ACOT7: variants seen among roughly 807,000 people sequenced by gnomAD.
ACOT7 encodes acyl-CoA thioesterase 7.
Under a neutral mutation model 40.2 loss-of-function variants are expected in ACOT7, and 12 were observed. The ratio of observed to expected loss-of-function variants is 0.30; its 90% CI spans 0.19 to 0.48. The LOEUF (loss-of-function observed/expected upper bound fraction) is 0.48. ACOT7 is among the 20% of genes least tolerant of loss of function. The pLI is 0.99. For missense variants in ACOT7, 395 were observed against 530.8 expected, an observed-to-expected ratio of 0.74 and a Z score of 2.51; for synonymous variants, 228 against 219.5, an observed-to-expected ratio of 1.04 and a Z score of -0.34.
chr1:6,354,240 C>A (rs1641675521), intron 1 of ACOT7, among the ~76,000 whole-genome samples: 1 of 152,124 alleles, frequency 6.6e-6, no homozygotes, highest in African/African-American at 2.4e-5. Flanking sequence ...GGTCAAGGAG[C>A]CACTCCCAGA....
At chr1:6,346,976 C>A (rs55634870) in intron 2 of ACOT7, among the ~76,000 whole-genome samples, 3,113 of 152,218 alleles carry the variant, frequency 0.02, 109 homozygotes, top group African/African-American at 0.071. Flanking sequence ...GGGGCAAGGA[C>A]AGGAGTGTCG....
rs563026803 is a variant in ACOT7, at chr1:6,372,554, C to CTTTTTT, written c.143+20697_143+20702dup. Among the ~76,000 whole-genome samples, 450 of 128,548 alleles carry CTTTTTT rather than the reference C, an allele frequency of 3.5e-3. 14 individuals carry two copies. The highest frequency in any genetic ancestry group is 0.011 in the African/African-American group (376 of 33,430). 84.3% of individuals were successfully genotyped at this position (128,548 alleles called of 152,430 possible). ...AAGTTTAATCATGTCTAACTTTTGG[C>CTTTTTT]TTTTTTTTTTTTTTTTTTGAGAGTC... On this transcript the variant is annotated intron_variant, in intron 1 of 8. Coordinates refer to ENST00000361521, the MANE Select transcript of ACOT7 (RefSeq NM_007274.4).
Position 6,358,420 on chromosome 1 carries a change from C to T in ACOT7, c.144-8554G>A, listed in dbSNP as rs1641808195. On this transcript the variant is annotated intron_variant, in intron 1 of 8. Coordinates refer to ENST00000361521, the MANE Select transcript of ACOT7 (RefSeq NM_007274.4). This position sits in a 1 kb window ranked among gnomAD's most constrained non-coding sequence, Gnocchi z 4.1. ...GGCTCCTTGTGCAGCCCACAGACCC[C>T]CCCTCCACCGCAGGTAGGAAGCTCA... 1.3e-5 allele frequency among the ~76,000 whole-genome samples: 2 copies of T among 152,228 alleles called. No individual in the cohort carries two copies. The highest frequency in any genetic ancestry group is 4.8e-5 in the African/African-American group (2 of 41,452).
At chr1:6,336,358 A>AAAAAAAAAC (rs1641102801) in intron 3 of ACOT7, among the ~76,000 whole-genome samples, 3 of 150,310 alleles carry the variant, frequency 2.0e-5, no homozygotes, top group African/African-American at 2.4e-5. Context: ...AAAAAAAAAA[A>AAAAAAAAAC]TCTCTTAAAA....
intron 1 of ACOT7, among the ~76,000 whole-genome samples, chr1:6,386,438 G>A (rs1330487335): frequency 1.3e-5 from 2 of 152,264 alleles, no homozygotes. Flanking sequence ...AGTCAGCTCA[G>A]GGCACCTCTG....
intron 1 of ACOT7, among the ~76,000 whole-genome samples, chr1:6,388,566 C>T (rs967265337): frequency 2.0e-5 from 3 of 149,594 alleles, no homozygotes; most frequent in Admixed American, 1.3e-4. Context: ...CAGTGAAACC[C>T]CGTCTCTACT....
At chr1:6,295,174 G>A in intron 6 of ACOT7, 194 bp from the exon 7 acceptor site, 5 of 350,156 alleles carry the variant, frequency 1.4e-5, no homozygotes, top group Admixed American at 4.4e-5. Flanking sequence ...AGGAGATTTT[G>A]AAAAAAACGA....
In ACOT7 at chr1:6,375,138, G is replaced by A. The variant is rs140266332; in HGVS notation, c.143+18119C>T. Among the ~76,000 whole-genome samples, 92 of 149,150 alleles carry A rather than the reference G, an allele frequency of 6.2e-4. 1 individual carries two copies. In the East Asian group the frequency reaches 8.6e-3, roughly 14 times the overall value. ...TAAAAATACAAAAAATTAGCCGGGC[G>A]TGGTGGCGGGCGCCTGTAGGAGGCT... On this transcript the variant is annotated intron_variant, in intron 1 of 8. Transcript: ENST00000361521.
chr1:6,276,615 A>AGGAG (rs70981380), intron 8 of ACOT7, among the ~76,000 whole-genome samples: 12,386 of 152,004 alleles, frequency 0.081, 595 homozygotes, highest in Non-Finnish European at 0.11. Flanking sequence ...TGGGAGTAGG[A>AGGAG]GGAGGGGCCG....
At chr1:6,360,842 A>G in intron 1 of ACOT7, 1 of 1,172,394 alleles carries the variant, frequency 8.5e-7, no homozygotes, top group Non-Finnish European at 1.2e-6. Context: ...CCCACCCCAA[A>G]TCAGTGAGGA....
At chr1:6,277,063 C>T (rs959528937) in intron 8 of ACOT7, among the ~76,000 whole-genome samples, 1 of 152,146 alleles carries the variant, frequency 6.6e-6, no homozygotes, top group Non-Finnish European at 1.5e-5. Context: ...GGGAAGGTCA[C>T]AGGCGCGGCC....
intron 7 of ACOT7, among the ~76,000 whole-genome samples, chr1:6,290,923 G>T (rs1020035160): frequency 2.6e-5 from 4 of 152,210 alleles, no homozygotes; most frequent in Non-Finnish European, 2.9e-5. Context: ...GACTGCTGGG[G>T]TCACTCTCCC....
At position 6,278,697 on chromosome 1, in the gene ACOT7, C is replaced by A. The variant is rs1035653805; in HGVS notation, c.1014+2405G>T. On this transcript the variant is annotated intron_variant, in intron 8 of 8. Coordinates refer to ENST00000361521, the MANE Select transcript of ACOT7 (RefSeq NM_007274.4). The surrounding 1 kb of genome is among the most constrained non-coding windows in gnomAD (Gnocchi z 4.1). ...GAGGCACAGACCATGGATCTGACCACCCCAGGAGAGAAGGGCCACAGGTTA... is the reference window on the plus strand; with the variant it reads ...GAGGCACAGACCATGGATCTGACCAACCCAGGAGAGAAGGGCCACAGGTTA... Among the ~76,000 whole-genome samples, 1 of 152,196 alleles carries A rather than the reference C, an allele frequency of 6.6e-6. No individual in the cohort carries two copies. The highest frequency in any genetic ancestry group is 2.4e-5 in the African/African-American group (1 of 41,426).
intron 5 of ACOT7, among the ~76,000 whole-genome samples, chr1:6,325,203 C>G (rs1033865881): frequency 2.0e-5 from 3 of 152,174 alleles, no homozygotes; most frequent in Non-Finnish European, 2.9e-5. Context: ...TCGAGACCAT[C>G]CTGGCTAATA....
chr1:6,350,393 T>A (rs1026921909), intron 1 of ACOT7, among the ~76,000 whole-genome samples: 3 of 152,204 alleles, frequency 2.0e-5, no homozygotes, highest in Non-Finnish European at 1.5e-5. Flanking sequence ...CACTGCGCGC[T>A]AAGCTCCTCT....
intron 1 of ACOT7, among the ~76,000 whole-genome samples, chr1:6,370,182 G>C (rs1162856038): frequency 6.6e-6 from 1 of 152,090 alleles, no homozygotes; most frequent in African/African-American, 2.4e-5. Flanking sequence ...CTGGCCATGT[G>C]ACCTGCACAC....
chr1:6,307,888 A>G (rs183444147), intron 6 of ACOT7, among the ~76,000 whole-genome samples: 4 of 149,838 alleles, frequency 2.7e-5, no homozygotes, highest in Admixed American at 1.3e-4. Context: ...CCACAACCAG[A>G]CAGAGGGAAC....
At chr1:6,341,078 T>C (rs72633435) in intron 2 of ACOT7, among the ~76,000 whole-genome samples, 1 of 152,050 alleles carries the variant, frequency 6.6e-6, no homozygotes, top group Non-Finnish European at 1.5e-5. Context: ...ACTCTCACCT[T>C]GATTCTTTTT....
rs183439493 is a variant in ACOT7, at chr1:6,276,517, C to T, written c.1014+4585G>A. 5.1e-3 allele frequency among the ~76,000 whole-genome samples: 775 copies of T among 152,118 alleles called. 5 individuals carry two copies. The highest frequency in any genetic ancestry group is 6.5e-3 in the Non-Finnish European group (445 of 68,004). Reference sequence around the variant, plus strand: ...GGAGACGCAACTCCAAGCAGAGAGGCTGCATCCGTGTCAGCCAGGCCCTGG... The same window carrying T: ...GGAGACGCAACTCCAAGCAGAGAGGTTGCATCCGTGTCAGCCAGGCCCTGG... On this transcript the variant is annotated intron_variant, in intron 8 of 8. Transcript: ENST00000361521.
Sources: gnomAD v4.1 joint callset for allele counts (sites outside exome capture counted in the v4.1 genomes callset) on GRCh38, gnomAD v4.1.1 for gene constraint, Gnocchi (gnomAD v3.1) non-coding constraint, MANE v1.5 for transcripts, NCBI Gene and HGNC (gene_info 2026-07-23, HGNC 2026-07-21) for gene names.